Variants in CCDC187 observed in about 807,000 individuals in gnomAD.
CCDC187 encodes the protein coiled-coil domain containing 187, also known as coiled-coil domain-containing protein 187.
Under a neutral mutation model 38.0 loss-of-function variants are expected in CCDC187, and 32 were observed. The ratio of observed to expected loss-of-function variants is 0.84; its 90% confidence interval spans 0.64 to 1.13. The LOEUF is 1.13. Among genes scored for constraint, CCDC187 ranks in the 50% most tolerant of loss-of-function variants. The pLI is 0.00. For missense variants in CCDC187, 707 were observed against 786.8 expected, an observed-to-expected ratio of 0.90 and a Z score of 1.21; for synonymous variants, 333 against 347.9, an observed-to-expected ratio of 0.96 and a Z score of 0.48.
chr9:136,293,494 C>T (rs1276869788), intron 4 of CCDC187, among the ~76,000 whole-genome samples: 7 of 139,836 alleles, frequency 5.0e-5, no homozygotes, highest in Non-Finnish European at 9.2e-5. Context: ...CAAACACATG[C>T]TCACACACTC....
chr9:136,295,568 G>A (rs899227449), intron 4 of CCDC187, among the ~76,000 whole-genome samples: 27 of 152,244 alleles, frequency 1.8e-4, no homozygotes, highest in Admixed American at 5.2e-4. Flanking sequence ...CCGGATGGAT[G>A]AATATTTTAT....
At chr9:136,271,255 C>T (rs946421450) in intron 14 of CCDC187, among the ~76,000 whole-genome samples, 2 of 152,236 alleles carry the variant, frequency 1.3e-5, no homozygotes, top group Admixed American at 6.5e-5. Flanking sequence ...GGCGTGGTGG[C>T]TCCTGCCTAT....
At chr9:136,293,974 A>ATG (rs1831460955) in intron 4 of CCDC187, among the ~76,000 whole-genome samples, 1 of 107,924 alleles carries the variant, frequency 9.3e-6, no homozygotes. Context: ...ATGCCCTCAC[A>ATG]TGCTCTCACA....
chr9:136,299,825 C>T (rs1057457455), intron 3 of CCDC187, among the ~76,000 whole-genome samples: 21 of 152,316 alleles, frequency 1.4e-4, no homozygotes, highest in South Asian at 2.1e-4. Context: ...ATCTACAAGA[C>T]GGAAAAGTGA....
chr9:136,304,100 G>A (rs1265989336), upstream of CCDC187: 2 of 152,414 alleles, frequency 1.3e-5, no homozygotes, highest in East Asian at 3.8e-4. Flanking sequence ...CTAATGAGCT[G>A]TCTCTTGGTG....
At chr9:136,262,852 G>A (rs574945328) in intron 18 of CCDC187, among the ~76,000 whole-genome samples, 64 of 152,202 alleles carry the variant, frequency 4.2e-4, no homozygotes, top group African/African-American at 1.4e-3. Flanking sequence ...CAGAGGAGAC[G>A]CGCAGGTGGG....
Position 136,253,866 on chromosome 9 carries a change from G to A in CCDC187, c.5962C>T (p.Leu1988=). ...LLAGDVLTEI[L]SPVDELLSYG... ...GACAGCAACTCGTCCACGGGAGACA[G>A]GATCTCAGTCAAGACGTCACCGGCA... Residue 1988 remains leucine (L), a synonymous_variant, in exon 26 of 26, where the codon CTG becomes TTG. Transcript: ENST00000638797. The A allele has an allele frequency of 1.0e-6, 1 of 985,308 alleles. No individual in the cohort carries two copies. The highest frequency in any genetic ancestry group is 1.2e-6 in the Non-Finnish European group (1 of 829,856). The allele number at this position is 985,308 out of a possible 1,614,324, so 61.0% of individuals were successfully genotyped here.
intron 10 of CCDC187, among the ~76,000 whole-genome samples, chr9:136,280,065 G>A (rs1273419939): frequency 3.3e-5 from 5 of 152,246 alleles, no homozygotes; most frequent in Non-Finnish European, 7.3e-5. Flanking sequence ...CGGTCTCTGG[G>A]ATTCTGTTAC....
In CCDC187 at chr9:136,288,107, G is replaced by A. The variant is rs912352700; in HGVS notation, c.2223-1412C>T. ...CTACTCGGGAGGCTGTCAAGCAAAC[G>A]GAGCCCGACGGTGGCCAGTGGGGGA... On this transcript the variant is annotated intron_variant, in intron 7 of 25. Transcript: ENST00000638797. Among the ~76,000 whole-genome samples, 386 of 152,304 alleles carry A rather than the reference G, an allele frequency of 2.5e-3. 3 individuals are homozygous for A. The highest frequency in any genetic ancestry group is 8.7e-3 in the African/African-American group (360 of 41,560).
In CCDC187 at chr9:136,286,525, C is replaced by T. The variant is rs1030247792; in HGVS notation, c.2393G>A (p.Cys798Tyr). The change falls in exon 8 of 26, where the codon TGC becomes TAC. Residue 798 changes from cysteine to tyrosine, a missense_variant. Transcript: ENST00000638797. Reference protein sequence around the residue: ...LTTRYLPRGMCIYLDPKEAEH... With the variant: ...LTTRYLPRGMYIYLDPKEAEH... ...AGCCTCCTTTGGGTCCAGGTAGATGCACATCCCCCGGGGTAGGTAGCGGGT... is the reference window on the plus strand; with the variant it reads ...AGCCTCCTTTGGGTCCAGGTAGATGTACATCCCCCGGGGTAGGTAGCGGGT... 12 of 398,638 alleles carry T rather than the reference C, an allele frequency of 3.0e-5. No homozygotes were observed. The highest frequency in any genetic ancestry group is 4.9e-5 in the Non-Finnish European group (11 of 226,150). 24.7% of individuals were successfully genotyped at this position (398,638 alleles called of 1,614,324 possible).
At chr9:136,275,851 T>C (rs960142964) in intron 12 of CCDC187, among the ~76,000 whole-genome samples, 1 of 152,056 alleles carries the variant, frequency 6.6e-6, no homozygotes, top group African/African-American at 2.4e-5. Context: ...AAGCACCACA[T>C]GCATTTTGGG....
chr9:136,287,266 G>A (rs1831204244), intron 7 of CCDC187, among the ~76,000 whole-genome samples: 3 of 152,140 alleles, frequency 2.0e-5, no homozygotes, highest in Non-Finnish European at 4.4e-5. Context: ...TGGCCCGATG[G>A]TCCCCTGGAA....
chr9:136,300,251 C>T lies in CCDC187; in HGVS notation c.693G>A (p.Glu231=), dbSNP rs2131360286. The T allele has an allele frequency of 5.0e-6, 2 of 398,706 alleles. No homozygotes were observed. Among genetic ancestry groups the T allele is most frequent in the East Asian group, 7.1e-5 (2 of 28,076 alleles). The allele number at this position is 398,706 out of a possible 1,614,324, so 24.7% of individuals were successfully genotyped here. The part of the protein sequence containing the change: ...EAKASHGQGR[E]LSRVSQHQVP... ...CCTGGTGCTGGGAGACCCTGGAGAG[C>T]TCGCGCCCCTGGCCGTGGGATGCCT... is the stretch of plus-strand genomic sequence containing the variant. The change falls in exon 3 of 26, where the codon GAG becomes GAA. Residue 231 remains glutamate, a synonymous_variant. Transcript: ENST00000638797.
intron 7 of CCDC187, 148 bp from the exon 8 acceptor site, chr9:136,286,843 G>A (rs933412748): frequency 1.5e-5 from 6 of 397,136 alleles, no homozygotes; most frequent in Admixed American, 8.8e-5. Context: ...AAGCGGTGAC[G>A]GTATCCACAC....
At chr9:136,278,839 C>G (rs1281253206) in intron 10 of CCDC187, among the ~76,000 whole-genome samples, 1 of 152,258 alleles carries the variant, frequency 6.6e-6, no homozygotes, top group Non-Finnish European at 1.5e-5. Context: ...TCTTCAGTCA[C>G]ACTGGCCACA....
In CCDC187 at chr9:136,285,512, C is replaced by T; in HGVS notation, c.2927+1G>A. On this transcript the variant is annotated splice_donor_variant, in intron 9 of 25. Transcript: ENST00000638797. LOFTEE classifies it high-confidence loss of function. ...GTGGGCAGGTGGGCAGGTGGTCTTA[C>T]CTCCCCGCAGAGGGGCTGAGGGCCT... The T allele has an allele frequency of 2.9e-6, 1 of 339,788 alleles. No homozygotes were observed. The highest frequency in any genetic ancestry group is 4.2e-5 in the East Asian group (1 of 23,614). 21.0% of individuals were successfully genotyped at this position (339,788 alleles called of 1,614,324 possible). A position where few individuals can be genotyped will look rare whatever the true frequency, so the allele number is the denominator to read the frequency against.
chr9:136,301,001 ATC>A (rs1468974871), intron 2 of CCDC187, among the ~76,000 whole-genome samples: 2 of 152,232 alleles, frequency 1.3e-5, no homozygotes, highest in Non-Finnish European at 2.9e-5. Context: ...CGACGCAGGC[ATC>A]TCACACAGAA....
chr9:136,293,163 A>G (rs1213140388), intron 4 of CCDC187, among the ~76,000 whole-genome samples: 6 of 55,656 alleles, frequency 1.1e-4, no homozygotes, highest in African/African-American at 4.6e-4. Flanking sequence ...ACATGCTCAC[A>G]CACTCACATG....
In CCDC187 at chr9:136,256,282, C is replaced by T. The variant is rs538811693; in HGVS notation, c.4545G>A (p.Ser1515=). 9.1e-6 allele frequency: 9 copies of T among 985,564 alleles called. No homozygotes were observed. Among genetic ancestry groups the T allele is most frequent in the Admixed American group, 6.1e-5 (1 of 16,296 alleles). The allele number at this position is 985,564 out of a possible 1,614,324, so 61.1% of individuals were successfully genotyped here. Residue 1515 remains serine (S), a synonymous_variant, in exon 24 of 26, where the codon TCG becomes TCA. Coordinates refer to ENST00000638797, the MANE Select transcript of CCDC187 (RefSeq NM_001378188.1). ...EDSMSEEGLE[S]GLDFAESPVE... ...CGGGGCTCTCAGCAAAATCCAGCCCCGATTCCAAGCCCTCTTCGCTCATGC... is the reference window on the plus strand; with the variant it reads ...CGGGGCTCTCAGCAAAATCCAGCCCTGATTCCAAGCCCTCTTCGCTCATGC...
Sources: gnomAD v4.1 joint callset for allele counts (sites outside exome capture counted in the v4.1 genomes callset) on GRCh38, gnomAD v4.1.1 for gene constraint, MANE v1.5 for transcripts, NCBI Gene and HGNC (gene_info 2026-07-23, HGNC 2026-07-21) for gene names.